The following C10orf90 variants were observed in gnomAD, a reference collection of about 807,000 sequenced individuals.
The protein encoded by C10orf90 is (E2-independent) E3 ubiquitin-conjugating enzyme FATS.
C10orf90 carries 56 observed loss-of-function variants against 62.5 expected under a neutral mutation model. That is an observed-to-expected ratio of 0.90 (90% CI 0.72 to 1.12). The LOEUF (loss-of-function observed/expected upper bound fraction) is 1.12, where lower values mean the gene tolerates loss of function less well. Among genes scored for constraint, C10orf90 ranks in the 50% most tolerant of loss-of-function variants. C10orf90 has a pLI of 0.00. For synonymous variants in C10orf90, 386 were observed against 340.4 expected (o/e 1.13, Z -1.47); for missense variants, 970 against 880.4 (o/e 1.10, Z -1.29).
chr10:126,571,021 A>G (rs1345009718), intron 2 of C10orf90, among the ~76,000 whole-genome samples: 2 of 152,212 alleles, frequency 1.3e-5, no homozygotes, highest in Non-Finnish European at 1.5e-5. Context: ...TGCTCAGCCC[A>G]CAGCTTTATC....
At chr10:126,659,465 G>A (rs778952957) in intron 1 of C10orf90, among the ~76,000 whole-genome samples, 3 of 152,168 alleles carry the variant, frequency 2.0e-5, no homozygotes, top group African/African-American at 7.2e-5. Context: ...AGCAAGCGAC[G>A]TGTTGTTTAC....
intron 7 of C10orf90, among the ~76,000 whole-genome samples, chr10:126,430,070 G>A (rs900916983): frequency 1.3e-5 from 2 of 152,216 alleles, no homozygotes; most frequent in African/African-American, 4.8e-5. Context: ...AGGACGTGAA[G>A]TACAATGTTA....
At chr10:126,502,092 CCA>C (rs1335547244) in intron 4 of C10orf90, among the ~76,000 whole-genome samples, 2 of 137,574 alleles carry the variant, frequency 1.5e-5, no homozygotes, top group Non-Finnish European at 1.6e-5. Flanking sequence ...CACCACACAA[CCA>C]CACACACACC....
chr10:126,462,808 C>T (rs1385167841), intron 5 of C10orf90, among the ~76,000 whole-genome samples: 2 of 152,170 alleles, frequency 1.3e-5, no homozygotes, highest in African/African-American at 4.8e-5. Flanking sequence ...TGTCCAACCT[C>T]TGCTCAAAAT....
At chr10:126,641,852 A>G (rs1365067749) in intron 2 of C10orf90, among the ~76,000 whole-genome samples, 1 of 152,190 alleles carries the variant, frequency 6.6e-6, no homozygotes, top group Non-Finnish European at 1.5e-5. Flanking sequence ...ACAGGCCAAC[A>G]GATTTCAAAG....
chr10:126,528,214 C>T (rs1459783866), intron 2 of C10orf90, among the ~76,000 whole-genome samples: 1 of 151,972 alleles, frequency 6.6e-6, no homozygotes, highest in African/African-American at 2.4e-5. Context: ...GTCAACCAGG[C>T]CTCAGGAACA....
At chr10:126,437,119 C>T (rs1452137648) in intron 7 of C10orf90, among the ~76,000 whole-genome samples, 3 of 152,174 alleles carry the variant, frequency 2.0e-5, no homozygotes, top group African/African-American at 7.2e-5. Context: ...AGTCTTCTCT[C>T]CTCTTTACAG....
At chr10:126,622,997 C>A (rs1845675661) in intron 2 of C10orf90, among the ~76,000 whole-genome samples, 1 of 152,228 alleles carries the variant, frequency 6.6e-6, no homozygotes, top group Non-Finnish European at 1.5e-5. Flanking sequence ...TTTCAAAAGG[C>A]TCGATGCCAT....
At chr10:126,613,989 A>T (rs1040171457) in intron 2 of C10orf90, among the ~76,000 whole-genome samples, 2 of 151,846 alleles carry the variant, frequency 1.3e-5, no homozygotes, top group African/African-American at 2.4e-5. Context: ...ATCTGATGCC[A>T]CTCCCCTTCC....
chr10:126,590,259 C>G (rs746883945), intron 2 of C10orf90, among the ~76,000 whole-genome samples: 2 of 152,158 alleles, frequency 1.3e-5, no homozygotes, highest in Non-Finnish European at 2.9e-5. Flanking sequence ...TAACACCCCA[C>G]TGACGATATT....
In C10orf90 at chr10:126,643,134, C is replaced by A. The variant is rs554270616; in HGVS notation, c.313+3431G>T. 3.9e-5 allele frequency among the ~76,000 whole-genome samples: 6 copies of A among 152,340 alleles called. No homozygotes were observed. In the South Asian group the frequency reaches 1.0e-3, roughly 26 times the overall value. Reference sequence around the variant, plus strand: ...AGCAACTTCAAAATACTTCATTGTTCCTCTTTGCCTACCTAATAAATACAG... The same window carrying A: ...AGCAACTTCAAAATACTTCATTGTTACTCTTTGCCTACCTAATAAATACAG... On this transcript the variant is annotated intron_variant, in intron 2 of 9. Coordinates refer to ENST00000488181, the MANE Select transcript of C10orf90 (RefSeq NM_001350921.2).
chr10:126,593,011 G>A (rs1361063885), intron 2 of C10orf90, among the ~76,000 whole-genome samples: 1 of 152,188 alleles, frequency 6.6e-6, no homozygotes, highest in Non-Finnish European at 1.5e-5. Flanking sequence ...AGTCAGAATG[G>A]TGATGATTAA....
intron 4 of C10orf90, among the ~76,000 whole-genome samples, chr10:126,487,817 G>A (rs1324624407): frequency 6.6e-6 from 1 of 152,106 alleles, no homozygotes; most frequent in Non-Finnish European, 1.5e-5. Context: ...TAAAAGGAAA[G>A]TCCAATTTGT....
At chr10:126,432,012 C>T (rs1485663065) in intron 7 of C10orf90, among the ~76,000 whole-genome samples, 1 of 152,170 alleles carries the variant, frequency 6.6e-6, no homozygotes. Context: ...AAGGGGGCTT[C>T]CCCTGCTGGT....
chr10:126,565,246 TTTATTATATTATATA>T (rs1844335183), intron 2 of C10orf90, among the ~76,000 whole-genome samples: 5 of 32,494 alleles, frequency 1.5e-4, no homozygotes, highest in African/African-American at 2.9e-4. Flanking sequence ...TAATATAATA[TTTATTATATTATATA>T]TTTATATTAT....
rs558957575 is a variant in C10orf90 at position 126,536,674 on chromosome 10, G to T, written c.314-22735C>A. On this transcript the variant is annotated intron_variant, in intron 2 of 9. Transcript: ENST00000488181. ...AGACTGTCTTCCATGAACCAGTGAG[G>T]AAAGCTGCATTTGTGTTTCTACAGA... Among the ~76,000 whole-genome samples, 3 of 152,294 alleles carry T rather than the reference G, an allele frequency of 2.0e-5. No homozygotes were observed. In the East Asian group the frequency reaches 5.8e-4, roughly 29 times the overall value.
At chr10:126,642,696 C>G (rs1345972120) in intron 2 of C10orf90, among the ~76,000 whole-genome samples, 1 of 152,112 alleles carries the variant, frequency 6.6e-6, no homozygotes, top group Non-Finnish European at 1.5e-5. Flanking sequence ...TTTCTCATAC[C>G]ACCCTCGTGT....
chr10:126,585,473 A>AAGGAAAG (rs1844850517), intron 2 of C10orf90, among the ~76,000 whole-genome samples: 1 of 54,956 alleles, frequency 1.8e-5, no homozygotes, highest in Non-Finnish European at 3.7e-5. Context: ...GGAAAGGAAG[A>AAGGAAAG]GAGGGGGAAG....
chr10:126,649,980 T>C (rs1207200983), intron 1 of C10orf90, among the ~76,000 whole-genome samples: 1 of 83,860 alleles, frequency 1.2e-5, no homozygotes, highest in Non-Finnish European at 2.3e-5. Flanking sequence ...TGGGAGGGAG[T>C]GGGGAGGGAG....
Sources: gnomAD v4.1 joint callset for allele counts (sites outside exome capture counted in the v4.1 genomes callset) on GRCh38, gnomAD v4.1.1 for gene constraint, MANE v1.5 for transcripts, NCBI Gene and HGNC (gene_info 2026-07-23, HGNC 2026-07-21) for gene names.